The following COL22A1 variants were observed in gnomAD, a reference collection of about 807,000 sequenced individuals.
COL22A1 encodes the protein collagen alpha-1(XXII) chain.
COL22A1 carries 221 observed loss-of-function variants against 248.9 expected under a neutral mutation model. That is an observed-to-expected ratio of 0.89 (90% CI 0.80 to 0.99). The LOEUF (loss-of-function observed/expected upper bound fraction) is 0.99, where lower values mean the gene tolerates loss of function less well. COL22A1 is among the 50% of genes least tolerant of loss of function. The probability of loss-of-function intolerance (pLI) is 0.00; values close to 1 mark genes in which losing one functional copy is unlikely to be tolerated. For synonymous variants in COL22A1, 891 were observed against 793.4 expected (o/e 1.12, Z -2.07); for missense variants, 2,240 against 2,179.0 (o/e 1.03, Z -0.56).
At chr8:138,764,726 A>C (rs1201620376) in intron 16 of COL22A1, among the ~76,000 whole-genome samples, 1 of 152,232 alleles carries the variant, frequency 6.6e-6, no homozygotes, top group Admixed American at 6.5e-5. Flanking sequence ...TGGGAGGCTG[A>C]GGCAGGCAAA....
At chr8:138,865,110 T>A (rs923450087) in intron 3 of COL22A1, among the ~76,000 whole-genome samples, 1 of 152,236 alleles carries the variant, frequency 6.6e-6, no homozygotes, top group African/African-American at 2.4e-5. Context: ...CTGGTTGGAT[T>A]TCCAGAATAT....
At chr8:138,657,739 G>A (rs180708128) in intron 44 of COL22A1, among the ~76,000 whole-genome samples, 7 of 152,246 alleles carry the variant, frequency 4.6e-5, no homozygotes, top group African/African-American at 1.7e-4. Flanking sequence ...AGTGGACAGT[G>A]TGGGGATGTA....
At chr8:138,862,128 G>A (rs1014101596) in intron 3 of COL22A1, among the ~76,000 whole-genome samples, 1 of 151,948 alleles carries the variant, frequency 6.6e-6, no homozygotes, top group Non-Finnish European at 1.5e-5. Context: ...TGAGGCAGGA[G>A]AATTGCTTGA....
At chr8:138,593,378 G>A (rs1436117936) in intron 63 of COL22A1, among the ~76,000 whole-genome samples, 1 of 151,666 alleles carries the variant, frequency 6.6e-6, no homozygotes, top group Non-Finnish European at 1.5e-5. Flanking sequence ...AGAACTTGAA[G>A]TAAATTTTTT....
At chr8:138,871,486 G>C (rs1823341052) in intron 3 of COL22A1, among the ~76,000 whole-genome samples, 1 of 152,168 alleles carries the variant, frequency 6.6e-6, no homozygotes, top group Admixed American at 6.5e-5. Flanking sequence ...TCTCCTCCAA[G>C]AGACCCACTT....
rs372883328 is a variant in COL22A1 at position 138,604,662 on chromosome 8, G to A, written c.4140+72C>T. On this transcript the variant is annotated intron_variant, in intron 59 of 64. Coordinates refer to ENST00000303045, the MANE Select transcript of COL22A1 (RefSeq NM_152888.3). ...CAAGTGTGGGCCCTTCTAAGCCCAGGGCCTGAGCCTGCATAGACTGCCCAT... is the reference window on the plus strand; with the variant it reads ...CAAGTGTGGGCCCTTCTAAGCCCAGAGCCTGAGCCTGCATAGACTGCCCAT... 2.9e-5 allele frequency: 39 copies of A among 1,344,872 alleles called. No homozygotes were observed. In the African/African-American group the frequency reaches 5.0e-4, roughly 17 times the overall value. 83.3% of individuals were successfully genotyped at this position (1,344,872 alleles called of 1,614,324 possible).
At chr8:138,684,696 C>T (rs1826206766) in intron 38 of COL22A1, among the ~76,000 whole-genome samples, 1 of 152,192 alleles carries the variant, frequency 6.6e-6, no homozygotes, top group Non-Finnish European at 1.5e-5. Flanking sequence ...CAGGAAATCT[C>T]TTAGCCTCTC....
intron 41 of COL22A1, among the ~76,000 whole-genome samples, chr8:138,673,392 T>C (rs1179178441): frequency 1.3e-5 from 2 of 152,030 alleles, no homozygotes; most frequent in East Asian, 3.9e-4. Context: ...GTATTTTTAG[T>C]AGAGACAGGG....
At chr8:138,747,941 A>G (rs570393266) in intron 22 of COL22A1, among the ~76,000 whole-genome samples, 2 of 152,236 alleles carry the variant, frequency 1.3e-5, no homozygotes, top group African/African-American at 2.4e-5. Flanking sequence ...CAGAGCCTCA[A>G]CTAGAAGCCA....
chr8:138,760,415 T>A (rs966314214), intron 17 of COL22A1, 128 bp from the exon 18 acceptor site: 1 of 786,194 alleles, frequency 1.3e-6, no homozygotes, highest in South Asian at 2.0e-5. Context: ...CCAAAGTCCC[T>A]TTAGACCTGA....
chr8:138,794,960 C>T (rs1370183757), intron 12 of COL22A1, among the ~76,000 whole-genome samples: 1 of 152,008 alleles, frequency 6.6e-6, no homozygotes, highest in Admixed American at 6.6e-5. Context: ...TTAAGCAAAA[C>T]GAATGCATTC....
Position 138,826,817 on chromosome 8 carries a change from C to T in COL22A1, c.846-36G>A, listed in dbSNP as rs77173682. 8.6e-4 allele frequency: 1,377 copies of T among 1,610,374 alleles called. 9 individuals carry two copies. In the African/African-American group the frequency reaches 0.016, roughly 19 times the overall value. ...ATGGAGACAAAGACACCAGGCTTGGCGATGAGAGCAGGGAGCCAGCAAAGT... is the reference window on the plus strand; with the variant it reads ...ATGGAGACAAAGACACCAGGCTTGGTGATGAGAGCAGGGAGCCAGCAAAGT... On this transcript the variant is annotated intron_variant, in intron 5 of 64. Transcript: ENST00000303045.
chr8:138,881,905 A>G lies in COL22A1; in HGVS notation c.91+1177T>C, dbSNP rs138391772. On this transcript the variant is annotated intron_variant, in intron 2 of 64. Transcript: ENST00000303045. ...ACTGACCAGTGCCTTCCCCCAGGGC[A>G]GGGGCCCTCATACAGGTTAGCAAAA... Among the ~76,000 whole-genome samples the G allele has an allele frequency of 9.6e-3, 1,455 of 152,254 alleles. 16 individuals are homozygous for G. Among genetic ancestry groups the G allele is most frequent in the African/African-American group, 0.033 (1,362 of 41,550 alleles).
intron 47 of COL22A1, among the ~76,000 whole-genome samples, chr8:138,637,701 G>A (rs964435081): frequency 6.6e-6 from 1 of 151,962 alleles, no homozygotes; most frequent in African/African-American, 2.4e-5. Flanking sequence ...CTTTGTCATG[G>A]GGTTACTGTG....
chr8:138,594,162 C>A lies in COL22A1; in HGVS notation c.4470G>T (p.Ala1490=). The change falls in exon 63 of 65, where the codon GCG becomes GCT. Residue 1490 remains alanine, a synonymous_variant. Coordinates refer to ENST00000303045, the MANE Select transcript of COL22A1 (RefSeq NM_152888.3). ...LAYLLAQMPP[A]YMKSSQGRPG... ...GTCTGCCTTGAGATGACTTCATGTA[C>A]GCCGGGGGCATCTGGGCCAGGAGGT... 1.3e-6 allele frequency: 2 copies of A among 1,572,690 alleles called. No individual in the cohort carries two copies. Among genetic ancestry groups the A allele is most frequent in the Non-Finnish European group, 1.7e-6 (2 of 1,165,990 alleles).
rs899005377 is a variant in COL22A1, at chr8:138,849,243, T to C, written c.659-5085A>G. ...CTGGGAATGCCATGTGGATTGTTTC[T>C]GAGCCTCTTGGCTGCTCTGCTGGAA... On this transcript the variant is annotated intron_variant, in intron 3 of 64. Coordinates refer to ENST00000303045, the MANE Select transcript of COL22A1 (RefSeq NM_152888.3). 2.6e-5 allele frequency among the ~76,000 whole-genome samples: 4 copies of C among 152,342 alleles called. No individual in the cohort carries two copies. The South Asian group carries it at 8.3e-4, about 32-fold the overall frequency.
chr8:138,746,967 A>G (rs1832167157), intron 22 of COL22A1, among the ~76,000 whole-genome samples: 1 of 152,116 alleles, frequency 6.6e-6, no homozygotes, highest in Non-Finnish European at 1.5e-5. Flanking sequence ...TGCCACTGCG[A>G]CCCTCAAAAC....
At chr8:138,813,984 C>T (rs774905541) in intron 7 of COL22A1, among the ~76,000 whole-genome samples, 3 of 152,228 alleles carry the variant, frequency 2.0e-5, no homozygotes, top group South Asian at 2.1e-4. Flanking sequence ...TTAAACAAGA[C>T]GTAACACGTA....
chr8:138,805,952 TATG>T, intron 10 of COL22A1, among the ~76,000 whole-genome samples: 1 of 131,064 alleles, frequency 7.6e-6, no homozygotes, highest in Non-Finnish European at 1.6e-5. Flanking sequence ...GATGGTATAT[TATG>T]GTGTGTATGT....
Sources: gnomAD v4.1 joint callset for allele counts (sites outside exome capture counted in the v4.1 genomes callset) on GRCh38, gnomAD v4.1.1 for gene constraint, MANE v1.5 for transcripts, NCBI Gene and HGNC (gene_info 2026-07-23, HGNC 2026-07-21) for gene names.